Variants in TEX13D observed in about 807,000 individuals in gnomAD.
TEX13D encodes the protein testis-expressed protein 13D.
For missense variants in TEX13D, 261 were observed against 265.8 expected (o/e 0.98, Z 0.12); for synonymous variants, 115 against 104.5 (o/e 1.10, Z -0.61).
At position 124,334,031 on chromosome X, in the gene TEX13D, A is replaced by G; in HGVS notation, c.1114A>G (p.Asn372Asp). ...TCCCCTGGGGAACAGAGAGAGACAAAATCAGAAAGAAGGTCCAAAGAGGGC... is the reference window on the plus strand; with the variant it reads ...TCCCCTGGGGAACAGAGAGAGACAAGATCAGAAAGAAGGTCCAAAGAGGGC... ...MDPLGNRERQ[N>D]QKEGPKRARR... Residue 372 changes from asparagine to aspartate, a missense_variant, in exon 1 of 1, where the codon AAT becomes GAT. Transcript: ENST00000632372. 1.1e-6 allele frequency: 1 copy of G among 935,596 alleles called. No individual in the cohort carries two copies. Among genetic ancestry groups the G allele is most frequent in the Non-Finnish European group, 1.3e-6 (1 of 755,047 alleles). The allele number at this position is 935,596 out of a possible 1,213,427, so 77.1% of individuals were successfully genotyped here. A position where few individuals can be genotyped will look rare whatever the true frequency, so the allele number is the denominator to read the frequency against.
chrX:124,332,664 T>G lies in TEX13D; in HGVS notation c.-254T>G. The G allele has an allele frequency of 4.5e-6, 1 of 220,184 alleles. No homozygotes were observed. Among genetic ancestry groups the G allele is most frequent in the Non-Finnish European group, 8.2e-6 (1 of 121,606 alleles). 18.1% of individuals were successfully genotyped at this position (220,184 alleles called of 1,213,427 possible). Reference sequence around the variant, plus strand: ...GCCAGCCTTGCGGCACGACTCAGCTTTTCTCTGTGACATGTCGCGGAGTCG... The same window carrying G: ...GCCAGCCTTGCGGCACGACTCAGCTGTTCTCTGTGACATGTCGCGGAGTCG... On this transcript the variant is annotated 5_prime_UTR_variant, in exon 1 of 1. Coordinates refer to ENST00000632372, the MANE Select transcript of TEX13D (RefSeq NM_001355534.2).
In TEX13D at chrX:124,333,202, G is replaced by T. The variant is rs2059965440; in HGVS notation, c.285G>T (p.Arg95Ser). ...TGCACCACGTTCGGCGGCTGCAAAG[G>T]CATGCGGAGGAGCGCCAGGCGACCT... Reference protein sequence around the residue: ...ELLHHVRRLQRHAEERQATSW... With the variant: ...ELLHHVRRLQSHAEERQATSW... The change falls in exon 1 of 1, where the codon AGG becomes AGT. Residue 95 changes from arginine to serine, a missense_variant. By Grantham distance (110) the Arg-to-Ser change is moderately radical (BLOSUM62 -1). Coordinates refer to ENST00000632372, the MANE Select transcript of TEX13D (RefSeq NM_001355534.2). The T allele has an allele frequency of 6.3e-6, 3 of 472,752 alleles. No individual in the cohort carries two copies. The East Asian group carries it at 1.1e-4, about 18-fold the overall frequency. 39.0% of individuals were successfully genotyped at this position (472,752 alleles called of 1,213,427 possible).
In TEX13D at chrX:124,332,700, T is replaced by G; in HGVS notation, c.-218T>G. On this transcript the variant is annotated 5_prime_UTR_variant, in exon 1 of 1. Coordinates refer to ENST00000632372, the MANE Select transcript of TEX13D (RefSeq NM_001355534.2). ...CATGTCGCGGAGTCGCCGGTAGGGT[T>G]CGGTGTGGCGAGGGGGACCTGCTTC... The G allele has an allele frequency of 3.8e-6, 1 of 264,653 alleles. No individual in the cohort carries two copies. The highest frequency in any genetic ancestry group is 6.7e-6 in the Non-Finnish European group (1 of 149,570). The allele number at this position is 264,653 out of a possible 1,213,427, so 21.8% of individuals were successfully genotyped here.
chrX:124,335,861 TG>T lies in TEX13D; in HGVS notation c.*800del, dbSNP rs754220659. On this transcript the variant is annotated 3_prime_UTR_variant, in exon 1 of 1. Coordinates refer to ENST00000632372, the MANE Select transcript of TEX13D (RefSeq NM_001355534.2). ...ATTGGGGGAAAAGGAAGAGCAGAATTGTTTTGTTAGAATTGAATTTTTCCAC... is the reference window on the plus strand; with the variant it reads ...ATTGGGGGAAAAGGAAGAGCAGAATTTTTTGTTAGAATTGAATTTTTCCAC... The T allele has an allele frequency of 1.8e-5, 2 of 112,103 alleles. No individual in the cohort carries two copies. Among genetic ancestry groups the T allele is most frequent in the Middle Eastern group, 4.2e-3 (1 of 238 alleles). 9.2% of individuals were successfully genotyped at this position (112,103 alleles called of 1,213,427 possible).
rs2059971449 is a variant in TEX13D at position 124,335,241 on chromosome X, T to G, written c.*179T>G. 1.0e-5 allele frequency: 3 copies of G among 298,289 alleles called. No homozygotes were observed. The highest frequency in any genetic ancestry group is 4.5e-4 in the South Asian group (2 of 4,472). The allele number at this position is 298,289 out of a possible 1,213,427, so 24.6% of individuals were successfully genotyped here. On this transcript the variant is annotated 3_prime_UTR_variant, in exon 1 of 1. Coordinates refer to ENST00000632372, the MANE Select transcript of TEX13D (RefSeq NM_001355534.2). The stretch of plus-strand genomic sequence containing the variant: ...CAAATTAGCCATTTTAAAAGTTGTT[T>G]TGGATACACATACATACAAATATAT...
At position 124,333,038 on chromosome X, in the gene TEX13D, C is replaced by T. The variant is rs2059964816; in HGVS notation, c.121C>T (p.Arg41Trp). 1 of 487,287 alleles carries T rather than the reference C, an allele frequency of 2.1e-6. No individual in the cohort carries two copies. The highest frequency in any genetic ancestry group is 2.9e-5 in the Admixed American group (1 of 34,170). 40.2% of individuals were successfully genotyped at this position (487,287 alleles called of 1,213,427 possible). A position where few individuals can be genotyped will look rare whatever the true frequency, so the allele number is the denominator to read the frequency against. Residue 41 changes from arginine to tryptophan, a missense_variant, in exon 1 of 1, where the codon CGG (arginine) becomes TGG (tryptophan). Physicochemically the swap from Arg to Trp is moderately radical, Grantham distance 101 (BLOSUM62 -3). Coordinates refer to ENST00000632372, the MANE Select transcript of TEX13D (RefSeq NM_001355534.2). ...GPAFYVAFRS[R>W]PWNEVEDSLQ... ...AGCCTTTTACGTGGCCTTCCGCTCG[C>T]GGCCGTGGAACGAGGTAGAGGACAG...
chrX:124,334,746 T>C lies in TEX13D; in HGVS notation c.1829T>C (p.Met610Thr). ...GGAAGCCGAGAGAGGGCCCAGGGGA[T>C]GGCCACCCTGGTGTTTAGCAGGAGC... ...QEGSRERAQGMATLVFSRSCK... is the reference protein window; with the variant it reads ...QEGSRERAQGTATLVFSRSCK... Residue 610 changes from methionine (M) to threonine (T), a missense_variant, in exon 1 of 1, where the codon ATG (methionine) becomes ACG (threonine). By Grantham distance (81) the Met-to-Thr change is moderately conservative. Transcript: ENST00000632372. 1.1e-6 allele frequency: 1 copy of C among 935,872 alleles called. No homozygotes were observed. Among genetic ancestry groups the C allele is most frequent in the Non-Finnish European group, 1.3e-6 (1 of 755,079 alleles). 77.1% of individuals were successfully genotyped at this position (935,872 alleles called of 1,213,427 possible).
In TEX13D at chrX:124,335,204, T is replaced by C; in HGVS notation, c.*142T>C. 1 of 423,303 alleles carries C rather than the reference T, an allele frequency of 2.4e-6. No individual in the cohort carries two copies. Among genetic ancestry groups the C allele is most frequent in the Non-Finnish European group, 3.5e-6 (1 of 287,168 alleles). The allele number at this position is 423,303 out of a possible 1,213,427, so 34.9% of individuals were successfully genotyped here. ...GAGAAAATTAAATAAAATAATTTAT[T>C]ATCCCATTACCCAAATTAGCCATTT... On this transcript the variant is annotated 3_prime_UTR_variant, in exon 1 of 1. Coordinates refer to ENST00000632372, the MANE Select transcript of TEX13D (RefSeq NM_001355534.2).
rs1297347326 is a variant in TEX13D at position 124,336,536 on chromosome X, A to G, written c.*1474A>G. ...AGAACAAAATGGATTTCAAGGACAG[A>G]CAGACAGACATAAGGGCTGTGGGCT... On this transcript the variant is annotated 3_prime_UTR_variant, in exon 1 of 1. Transcript: ENST00000632372. 1.8e-5 allele frequency: 2 copies of G among 112,417 alleles called. No individual in the cohort carries two copies. The highest frequency in any genetic ancestry group is 3.8e-5 in the Non-Finnish European group (2 of 53,267). 9.3% of individuals were successfully genotyped at this position (112,417 alleles called of 1,213,427 possible).
rs1444260292 is a variant in TEX13D, at chrX:124,335,003, G to A, written c.2086G>A (p.Ala696Thr). The change falls in exon 1 of 1, where the codon GCC becomes ACC. Residue 696 changes from alanine (A) to threonine (T), a missense_variant. Transcript: ENST00000632372. ...CKAINFSWRT[A>T]CYKCKKACVP... Reference sequence around the variant, plus strand: ...AGCCATTAATTTTTCATGGCGTACGGCCTGCTATAAATGCAAGAAAGCCTG... The same window carrying A: ...AGCCATTAATTTTTCATGGCGTACGACCTGCTATAAATGCAAGAAAGCCTG... 1 of 937,316 alleles carries A rather than the reference G, an allele frequency of 1.1e-6. No homozygotes were observed. The highest frequency in any genetic ancestry group is 2.0e-5 in the African/African-American group (1 of 49,013). The allele number at this position is 937,316 out of a possible 1,213,427, so 77.2% of individuals were successfully genotyped here. A position where few individuals can be genotyped will look rare whatever the true frequency, so the allele number is the denominator to read the frequency against.
rs191239180 is a variant in TEX13D, at chrX:124,334,259, G to A, written c.1342G>A (p.Gly448Arg). ...PKRPQWTVPL[G>R]DSRSHIKEEG... ...GAGGCCCCAGTGGACTGTCCCCCTG[G>A]GGGACAGCAGAAGTCATATCAAGGA... The change falls in exon 1 of 1, where the codon GGG becomes AGG. Residue 448 changes from glycine (G) to arginine (R), a missense_variant. Transcript: ENST00000632372. The A allele has an allele frequency of 7.1e-4, 659 of 929,250 alleles. 7 individuals carry two copies. In the African/African-American group the frequency reaches 0.013, roughly 18 times the overall value. 76.6% of individuals were successfully genotyped at this position (929,250 alleles called of 1,213,427 possible).
Position 124,332,974 on chromosome X carries a change from G to C in TEX13D, c.57G>C (p.Arg19Ser), listed in dbSNP as rs1603235407. Residue 19 changes from arginine (R) to serine (S), a missense_variant, in exon 1 of 1, where the codon AGG becomes AGC. Physicochemically the swap from Arg to Ser is moderately radical, Grantham distance 110. Coordinates refer to ENST00000632372, the MANE Select transcript of TEX13D (RefSeq NM_001355534.2). ...ASGFRHNDVI[R>S]FINNEVLMDG... ...GCTTCCGCCACAATGATGTGATCAG[G>C]TTCATTAACAATGAAGTCCTCATGG... 2.3e-6 allele frequency: 1 copy of C among 432,436 alleles called. No individual in the cohort carries two copies. The highest frequency in any genetic ancestry group is 3.6e-5 in the South Asian group (1 of 27,446). 35.6% of individuals were successfully genotyped at this position (432,436 alleles called of 1,213,427 possible). A position where few individuals can be genotyped will look rare whatever the true frequency, so the allele number is the denominator to read the frequency against.
Position 124,335,719 on chromosome X carries a change from A to C in TEX13D, c.*657A>C, listed in dbSNP as rs1411311993. 8.9e-6 allele frequency: 1 copy of C among 112,250 alleles called. No individual in the cohort carries two copies. The highest frequency in any genetic ancestry group is 1.9e-5 in the Non-Finnish European group (1 of 53,283). The allele number at this position is 112,250 out of a possible 1,213,427, so 9.3% of individuals were successfully genotyped here. The stretch of plus-strand genomic sequence containing the variant: ...ACTTGCTTGTTGCTGAAGAAGCTGA[A>C]CCTGTTCCATTAGAAGATCTTCCAA... On this transcript the variant is annotated 3_prime_UTR_variant, in exon 1 of 1. Coordinates refer to ENST00000632372, the MANE Select transcript of TEX13D (RefSeq NM_001355534.2).
Position 124,334,157 on chromosome X carries a change from C to T in TEX13D, c.1240C>T (p.Gln414Ter). 1 of 935,026 alleles carries T rather than the reference C, an allele frequency of 1.1e-6. No individual in the cohort carries two copies. The highest frequency in any genetic ancestry group is 4.5e-4 in the Middle Eastern group (1 of 2,219). 77.1% of individuals were successfully genotyped at this position (935,026 alleles called of 1,213,427 possible). A position where few individuals can be genotyped will look rare whatever the true frequency, so the allele number is the denominator to read the frequency against. The change falls in exon 1 of 1, where the codon CAG (glutamine) becomes TAG (stop). Residue 414 changes from glutamine to a stop codon, truncating the protein, a stop_gained. Transcript: ENST00000632372. LOFTEE classifies it low-confidence loss of function (END_TRUNC). ...CCAGGGAGACAGCAGAAGCTACAGC[C>T]AGGAAGGATGTTCAGATAGGGCCCA... ...VPQGDSRSYS[Q>*]EGCSDRAQEM...
At position 124,334,833 on chromosome X, in the gene TEX13D, A is replaced by C; in HGVS notation, c.1916A>C (p.His639Pro). 1.1e-6 allele frequency: 1 copy of C among 939,275 alleles called. No homozygotes were observed. The highest frequency in any genetic ancestry group is 1.3e-6 in the Non-Finnish European group (1 of 756,501). The allele number at this position is 939,275 out of a possible 1,213,427, so 77.4% of individuals were successfully genotyped here. The change falls in exon 1 of 1, where the codon CAT becomes CCT. Residue 639 changes from histidine to proline, a missense_variant. By Grantham distance (77) the His-to-Pro change is moderately conservative (BLOSUM62 -2). Coordinates refer to ENST00000632372, the MANE Select transcript of TEX13D (RefSeq NM_001355534.2). ...ACTCCCCTGGGGGACAGCAGGAGCC[A>C]TGGTGTCAGAGAAAGCCCAAAGAAA... ...QGTPLGDSRSHGVRESPKKWQ... is the reference protein window; with the variant it reads ...QGTPLGDSRSPGVRESPKKWQ...
chrX:124,333,551 C>T lies in TEX13D; in HGVS notation c.634C>T (p.Pro212Ser). Residue 212 changes from proline (P) to serine (S), a missense_variant, in exon 1 of 1, where the codon CCC becomes TCC. Coordinates refer to ENST00000632372, the MANE Select transcript of TEX13D (RefSeq NM_001355534.2). ...TCTTTATGTGCCAGGACCTCTGAGT[C>T]CCTGGGCCCAGGGCATGCAACCCCC... Reference protein sequence around the residue: ...DVLYVPGPLSPWAQGMQPPLP... With the variant: ...DVLYVPGPLSSWAQGMQPPLP... 3.3e-6 allele frequency: 1 copy of T among 299,355 alleles called. No homozygotes were observed. Among genetic ancestry groups the T allele is most frequent in the East Asian group, 4.8e-5 (1 of 21,041 alleles). 24.7% of individuals were successfully genotyped at this position (299,355 alleles called of 1,213,427 possible).
In TEX13D at chrX:124,334,750, C is replaced by A. The variant is rs1012389802; in HGVS notation, c.1833C>A (p.Ala611=). Residue 611 remains alanine (A), a synonymous_variant, in exon 1 of 1, where the codon GCC becomes GCA. Transcript: ENST00000632372. ...EGSRERAQGM[A]TLVFSRSCKP... ...GCCGAGAGAGGGCCCAGGGGATGGC[C>A]ACCCTGGTGTTTAGCAGGAGCTGCA... The A allele has an allele frequency of 1.5e-5, 14 of 935,349 alleles. No individual in the cohort carries two copies. Among genetic ancestry groups the A allele is most frequent in the Non-Finnish European group, 1.9e-5 (14 of 755,180 alleles). The allele number at this position is 935,349 out of a possible 1,213,427, so 77.1% of individuals were successfully genotyped here.
Position 124,335,144 on chromosome X carries a change from A to T in TEX13D, c.*82A>T. On this transcript the variant is annotated 3_prime_UTR_variant, in exon 1 of 1. Transcript: ENST00000632372. The stretch of plus-strand genomic sequence containing the variant: ...CCCTCTTCTGATTAAAGTATAACTT[A>T]TTTACTTCACAGAAAAATTGAACCC... 1 of 694,414 alleles carries T rather than the reference A, an allele frequency of 1.4e-6. No individual in the cohort carries two copies. The highest frequency in any genetic ancestry group is 1.9e-6 in the Non-Finnish European group (1 of 533,870). 57.2% of individuals were successfully genotyped at this position (694,414 alleles called of 1,213,427 possible). A position where few individuals can be genotyped will look rare whatever the true frequency, so the allele number is the denominator to read the frequency against.
Position 124,334,666 on chromosome X carries a change from A to C in TEX13D, c.1749A>C (p.Pro583=), listed in dbSNP as rs2059969807. 1 of 918,951 alleles carries C rather than the reference A, an allele frequency of 1.1e-6. No homozygotes were observed. The highest frequency in any genetic ancestry group is 1.3e-6 in the Non-Finnish European group (1 of 747,118). The allele number at this position is 918,951 out of a possible 1,213,427, so 75.7% of individuals were successfully genotyped here. The part of the protein sequence containing the change: ...DSRSHIKEEG[P]EGPQRIVLQG... ...GAAGTCATATCAAGGAAGAAGGCCC[A>C]GAGGGGCCCCAGAGGATTGTCCTCC... is the stretch of plus-strand genomic sequence containing the variant. The change falls in exon 1 of 1, where the codon CCA becomes CCC. Residue 583 remains proline, a synonymous_variant. Transcript: ENST00000632372.
Sources: allele counts gnomAD v4.1 joint callset, GRCh38; gene constraint gnomAD v4.1.1; transcripts MANE v1.5; gene names NCBI Gene and HGNC (gene_info 2026-07-23, HGNC 2026-07-21).